The following LCP2 variants were observed in gnomAD, a reference collection of about 807,000 sequenced individuals.
LCP2 encodes lymphocyte cytosolic protein 2.
In LCP2, 29 loss-of-function variants were observed where a neutral mutation model predicts 74.5. The ratio of observed to expected loss-of-function variants is 0.39; its 90% CI spans 0.29 to 0.53. The LOEUF (loss-of-function observed/expected upper bound fraction) is 0.53, where lower values mean the gene tolerates loss of function less well. LCP2 is among the 20% of genes least tolerant of loss of function. LCP2 has a pLI of 0.72. For missense variants in LCP2, 604 were observed against 634.6 expected, an observed-to-expected ratio of 0.95 and a Z score of 0.52; for synonymous variants, 228 against 229.5, an observed-to-expected ratio of 0.99 and a Z score of 0.06.
intron 3 of LCP2, among the ~76,000 whole-genome samples, chr5:170,278,212 A>C (rs1305796143): frequency 6.7e-6 from 1 of 149,018 alleles, no homozygotes; most frequent in Non-Finnish European, 1.5e-5. Context: ...GGAACTTAGA[A>C]GTGCTCAAGG....
chr5:170,289,591 T>TTTTC lies in LCP2; in HGVS notation c.142-1579_142-1576dup, dbSNP rs147406658. 2.0e-3 allele frequency among the ~76,000 whole-genome samples: 302 copies of TTTTC among 149,692 alleles called. 1 individual carries two copies. The highest frequency in any genetic ancestry group is 8.0e-3 in the East Asian group (41 of 5,110). On this transcript the variant is annotated intron_variant, in intron 2 of 20. Transcript: ENST00000046794. ...TTTGGTTAAGCTTCTTAACTACTCC[T>TTTTC]TTTCTTTCTTTCTTTCTTTCTTTCT...
intron 17 of LCP2, among the ~76,000 whole-genome samples, chr5:170,255,267 C>T (rs746414234): frequency 1.3e-5 from 2 of 152,278 alleles, no homozygotes; most frequent in South Asian, 2.1e-4. Context: ...GTGCCACTGG[C>T]GTCAGCAGTG....
At chr5:170,254,921 C>T (rs890288709) in intron 17 of LCP2, among the ~76,000 whole-genome samples, 3 of 152,168 alleles carry the variant, frequency 2.0e-5, no homozygotes, top group Non-Finnish European at 2.9e-5. Context: ...TAGAGAAGAC[C>T]GAGGACCAGG....
intron 14 of LCP2, among the ~76,000 whole-genome samples, chr5:170,260,777 G>T (rs918009308): frequency 6.6e-6 from 1 of 152,180 alleles, no homozygotes; most frequent in Admixed American, 6.5e-5. Context: ...GGAAATTTAG[G>T]CATGGTCCAA....
intron 20 of LCP2, among the ~76,000 whole-genome samples, chr5:170,249,020 A>T (rs1482144580): frequency 1.3e-5 from 2 of 152,190 alleles, no homozygotes; most frequent in African/African-American, 2.4e-5. Flanking sequence ...CCAACAAACC[A>T]TAGATAAAGA....
intron 3 of LCP2, among the ~76,000 whole-genome samples, chr5:170,286,472 C>A (rs1762184477): frequency 6.6e-6 from 1 of 152,218 alleles, no homozygotes; most frequent in African/African-American, 2.4e-5. Flanking sequence ...ATCTCTACAA[C>A]ATCACATTTC....
chr5:170,275,242 C>G (rs371310071), intron 5 of LCP2, 78 bp downstream of exon 5: 27 of 1,502,370 alleles, frequency 1.8e-5, no homozygotes, highest in Non-Finnish European at 2.4e-5. Context: ...TCAAGGAGCC[C>G]CAGGAACCAG....
intron 1 of LCP2, 37 bp downstream of exon 1, chr5:170,297,497 C>G: frequency 6.3e-7 from 1 of 1,579,780 alleles, no homozygotes; most frequent in Non-Finnish European, 8.7e-7. Flanking sequence ...ACCAAGGGCA[C>G]TAGCATCATG....
intron 15 of LCP2, chr5:170,258,471 T>C (rs1581059536): frequency 2.8e-6 from 1 of 352,482 alleles, no homozygotes; most frequent in East Asian, 4.5e-5. Context: ...GGAAACCTTA[T>C]AAATTTCAGA....
intron 16 of LCP2, among the ~76,000 whole-genome samples, chr5:170,257,105 G>A (rs895073159): frequency 2.6e-5 from 4 of 152,168 alleles, no homozygotes; most frequent in Non-Finnish European, 5.9e-5. Flanking sequence ...CTGAAATGCA[G>A]TCTGTTCCCT....
In LCP2 at chr5:170,297,603, C is replaced by A; in HGVS notation, c.9G>T (p.Leu3=). Residue 3 remains leucine, a synonymous_variant, in exon 1 of 21, where the codon CTG becomes CTT. Coordinates refer to ENST00000046794, the MANE Select transcript of LCP2 (RefSeq NM_005565.5). ...CCTCTGAGCGAAAGGGCACATTCCT[C>A]AGTGCCATGGCTGCTCTCCCGGGAA... MA[L]RNVPFRSEVL... 11 of 1,611,034 alleles carry A rather than the reference C, an allele frequency of 6.8e-6. No homozygotes were observed. The highest frequency in any genetic ancestry group is 9.3e-6 in the Non-Finnish European group (11 of 1,178,582).
Position 170,256,412 on chromosome 5 carries a change from T to C in LCP2, c.1150+114A>G. 1 of 843,692 alleles carries C rather than the reference T, an allele frequency of 1.2e-6. No individual in the cohort carries two copies. The highest frequency in any genetic ancestry group is 2.0e-6 in the Non-Finnish European group (1 of 498,750). 52.3% of individuals were successfully genotyped at this position (843,692 alleles called of 1,614,324 possible). A position where few individuals can be genotyped will look rare whatever the true frequency, so the allele number is the denominator to read the frequency against. ...CGGAATTAAATGTTGAATGAGGAAA[T>C]CAGATGCTTTTAGGAAACAATAAAA... On this transcript the variant is annotated intron_variant, in intron 17 of 20. Transcript: ENST00000046794. The surrounding 1 kb of genome is among the most constrained non-coding windows in gnomAD (Gnocchi z 4.5).
In LCP2 at chr5:170,293,364, A is replaced by G. The variant is rs36083739; in HGVS notation, c.87T>C (p.Tyr29=). 88 of 1,598,054 alleles carry G rather than the reference A, an allele frequency of 5.5e-5. No homozygotes were observed. The African/African-American group carries it at 9.8e-4, about 18-fold the overall frequency. The change falls in exon 2 of 21, where the codon TAT becomes TAC. Residue 29 remains tyrosine, a synonymous_variant. Transcript: ENST00000046794. The part of the protein sequence containing the change: ...SLADYFKKLN[Y]KDCEKAVKKY... The stretch of plus-strand genomic sequence containing the variant: ...TCTTCACTGCCTTCTCACAGTCCTT[A>G]TAGTTGAGCTGCAAAGAGAAGGGGA...
intron 8 of LCP2, chr5:170,267,357 T>C: frequency 2.0e-6 from 1 of 509,754 alleles, no homozygotes; most frequent in Non-Finnish European, 3.5e-6. Context: ...GTTAATGTCC[T>C]GCGAGGCCCT....
At chr5:170,257,486 G>T (rs887675367) in intron 16 of LCP2, among the ~76,000 whole-genome samples, 9 of 152,128 alleles carry the variant, frequency 5.9e-5, no homozygotes, top group East Asian at 3.9e-4. Flanking sequence ...GGACTTGGGG[G>T]ACACCACAGG....
At chr5:170,288,937 A>G (rs115917909) in intron 2 of LCP2, among the ~76,000 whole-genome samples, 1 of 152,350 alleles carries the variant, frequency 6.6e-6, no homozygotes, top group African/African-American at 2.4e-5. Flanking sequence ...GAGACTGGGC[A>G]TGCTTTCCAT....
chr5:170,276,050 G>A (rs1245798776), intron 3 of LCP2, among the ~76,000 whole-genome samples, 190 bp from the exon 4 acceptor site: 2 of 152,008 alleles, frequency 1.3e-5, no homozygotes, highest in East Asian at 1.9e-4. Context: ...CTTATTCCCC[G>A]GGCCAGACCT....
chr5:170,249,390 C>CTATA (rs200081642), intron 20 of LCP2, among the ~76,000 whole-genome samples: 3 of 141,282 alleles, frequency 2.1e-5, no homozygotes, highest in African/African-American at 8.1e-5. Context: ...ATCTACATAT[C>CTATA]TATATATATA....
At chr5:170,284,461 T>A (rs1285549481) in intron 3 of LCP2, among the ~76,000 whole-genome samples, 2 of 152,202 alleles carry the variant, frequency 1.3e-5, no homozygotes, top group Non-Finnish European at 2.9e-5. Context: ...TATGTCTTTT[T>A]TTTTTTTTCT....
Sources: allele counts gnomAD v4.1 joint callset (sites outside exome capture counted in the v4.1 genomes callset), GRCh38; gene constraint gnomAD v4.1.1; non-coding constraint Gnocchi (gnomAD v3.1); transcripts MANE v1.5; gene names NCBI Gene and HGNC (gene_info 2026-07-23, HGNC 2026-07-21).